Variants in CPT1A observed in about 807,000 individuals in gnomAD.
CPT1A encodes carnitine O-palmitoyltransferase 1, liver isoform.
In CPT1A, 64 loss-of-function variants were observed where a neutral mutation model predicts 100.8. That is an observed-to-expected ratio of 0.63 (90% CI 0.52 to 0.78). CPT1A has a LOEUF of 0.78. Among genes scored for constraint, CPT1A ranks in the 30% least tolerant of loss-of-function variants. CPT1A has a pLI of 0.00. For missense variants in CPT1A, 802 were observed against 1,034.1 expected (o/e 0.78, Z 3.08); for synonymous variants, 363 against 396.0 (o/e 0.92, Z 0.99).
At position 68,762,635 on chromosome 11, in the gene CPT1A, C is replaced by T; in HGVS notation, c.1867G>A (p.Ala623Thr). Residue 623 changes from alanine to threonine, a missense_variant, in exon 15 of 19, where the codon GCC becomes ACC. By Grantham distance (58) the Ala-to-Thr change is moderately conservative. Around this residue, in one of 4 missense-constraint regions of CPT1A, gnomAD observed 627 missense variants for 799.3 expected, o/e 0.78. Coordinates refer to ENST00000265641, the MANE Select transcript of CPT1A (RefSeq NM_001876.4). ...CDFVRAMVDPAQTVEQRLKLF... is the reference protein window; with the variant it reads ...CDFVRAMVDPTQTVEQRLKLF... ...GCCTGATGGCACATTACCGTCTGGG[C>T]CGGGTCCACCATGGCCCGCACGAAG... 1 of 1,613,632 alleles carries T rather than the reference C, an allele frequency of 6.2e-7. No individual in the cohort carries two copies. Among genetic ancestry groups the T allele is most frequent in the African/African-American group, 1.3e-5 (1 of 75,048 alleles).
intron 16 of CPT1A, among the ~76,000 whole-genome samples, chr11:68,760,855 T>C (rs901077882): frequency 1.4e-5 from 2 of 145,094 alleles, no homozygotes; most frequent in African/African-American, 5.1e-5. Flanking sequence ...TCTACTAAAA[T>C]ACAACAACAA....
chr11:68,786,493 C>T lies in CPT1A; in HGVS notation c.968-1483G>A, dbSNP rs147501777. On this transcript the variant is annotated intron_variant, in intron 9 of 18. Transcript: ENST00000265641. ...AAGGAAGTGATGTTTAAGAAGAACC[C>T]GGCCAGATGAAGAACAGAATTAATC... 5.8e-3 allele frequency among the ~76,000 whole-genome samples: 881 copies of T among 152,314 alleles called. 7 individuals are homozygous for T. Among genetic ancestry groups the T allele is most frequent in the African/African-American group, 0.02 (829 of 41,564 alleles).
intron 1 of CPT1A, among the ~76,000 whole-genome samples, chr11:68,839,947 A>G (rs1219206660): frequency 6.6e-6 from 1 of 152,212 alleles, no homozygotes; most frequent in South Asian, 2.1e-4. Flanking sequence ...TGGCCTGTGC[A>G]TGATGCCAAC....
chr11:68,823,985 G>A (rs1465361574), intron 1 of CPT1A, among the ~76,000 whole-genome samples: 5 of 151,904 alleles, frequency 3.3e-5, no homozygotes, highest in South Asian at 2.1e-4. Context: ...GGTGGCTCAC[G>A]CCTGTAATCC....
At chr11:68,828,466 C>A (rs1396125378) in intron 1 of CPT1A, among the ~76,000 whole-genome samples, 1 of 152,164 alleles carries the variant, frequency 6.6e-6, no homozygotes, top group Admixed American at 6.5e-5. Flanking sequence ...CCCTCCCCAG[C>A]ACCTTTCATC....
intron 3 of CPT1A, among the ~76,000 whole-genome samples, chr11:68,808,384 T>C (rs1350281894): frequency 1.3e-5 from 2 of 152,006 alleles, no homozygotes; most frequent in African/African-American, 4.8e-5. Context: ...TTTTTTTTTT[T>C]TTTCGAGACA....
intron 7 of CPT1A, 71 bp from the exon 8 acceptor site, chr11:68,794,982 C>T: frequency 8.9e-7 from 1 of 1,126,644 alleles, no homozygotes; most frequent in Non-Finnish European, 1.4e-6. Context: ...CACAGCACAT[C>T]CTGCACACTG....
intron 18 of CPT1A, among the ~76,000 whole-genome samples, chr11:68,759,120 G>A (rs980064787): frequency 2.0e-5 from 3 of 151,990 alleles, no homozygotes; most frequent in African/African-American, 4.8e-5. Context: ...TAGGCCAGGC[G>A]CGGTGGCTCA....
At chr11:68,778,177 G>A (rs1177442291) in intron 12 of CPT1A, among the ~76,000 whole-genome samples, 1 of 151,880 alleles carries the variant, frequency 6.6e-6, no homozygotes, top group Non-Finnish European at 1.5e-5. Context: ...CCAACCAGAA[G>A]TAAGACAATT....
intron 1 of CPT1A, among the ~76,000 whole-genome samples, chr11:68,837,152 C>T (rs907925244): frequency 3.3e-5 from 5 of 152,122 alleles, no homozygotes; most frequent in African/African-American, 9.7e-5. Flanking sequence ...TGGGTTCAAG[C>T]GATTCCCCTG....
At chr11:68,814,050 A>G (rs1319909175) in intron 2 of CPT1A, among the ~76,000 whole-genome samples, 2 of 152,080 alleles carry the variant, frequency 1.3e-5, no homozygotes, top group Non-Finnish European at 2.9e-5. Context: ...CGGGAAGTGC[A>G]CAAACTGAAC....
chr11:68,794,301 G>A (rs1855697465), intron 8 of CPT1A, among the ~76,000 whole-genome samples: 1 of 152,238 alleles, frequency 6.6e-6, no homozygotes, highest in Non-Finnish European at 1.5e-5. Flanking sequence ...ACAAAGGGCA[G>A]AGGGGTTTTC....
intron 3 of CPT1A, among the ~76,000 whole-genome samples, chr11:68,811,237 G>A (rs934644829): frequency 6.6e-6 from 1 of 152,118 alleles, no homozygotes; most frequent in Non-Finnish European, 1.5e-5. Flanking sequence ...ATTGACCTCA[G>A]GTGATCGACC....
intron 1 of CPT1A, among the ~76,000 whole-genome samples, chr11:68,828,549 ACCCTGC>A (rs1856798917): frequency 6.6e-6 from 1 of 152,102 alleles, no homozygotes; most frequent in Non-Finnish European, 1.5e-5. Context: ...TCTTGGGCAC[ACCCTGC>A]CAGACTGGGC....
At chr11:68,798,811 G>C (rs1855824016) in intron 6 of CPT1A, among the ~76,000 whole-genome samples, 1 of 152,228 alleles carries the variant, frequency 6.6e-6, no homozygotes, top group Admixed American at 6.5e-5. Context: ...GGGAGAGGGA[G>C]AAGCCTCCTG....
intron 5 of CPT1A, 133 bp downstream of exon 5, chr11:68,803,867 A>G (rs953587580): frequency 1.4e-6 from 1 of 697,120 alleles, no homozygotes; most frequent in East Asian, 2.7e-5. Context: ...AAGAGTTCCT[A>G]TGAGAACCCT....
rs568788653 is a variant in CPT1A, at chr11:68,835,328, C to T, written c.-14+6447G>A. Among the ~76,000 whole-genome samples the T allele has an allele frequency of 6.6e-5, 10 of 152,324 alleles. No homozygotes were observed. In the South Asian group the frequency reaches 8.3e-4, roughly 13 times the overall value. On this transcript the variant is annotated intron_variant, in intron 1 of 18. Transcript: ENST00000265641. ...CAAAGGACATCCTAAACCTCCTCTT[C>T]GTACCAGTATATTGTTCCCACAAAT... is the stretch of plus-strand genomic sequence containing the variant.
At chr11:68,781,641 C>T in intron 11 of CPT1A, 130 bp downstream of exon 11, 1 of 892,762 alleles carries the variant, frequency 1.1e-6, no homozygotes, top group Non-Finnish European at 1.9e-6. Flanking sequence ...TAAAATAAAA[C>T]TGAAGGTTAT....
At position 68,838,571 on chromosome 11, in the gene CPT1A, T is replaced by TAAAAA. The variant is rs1177976460; in HGVS notation, c.-14+3203_-14+3204insTTTTT. 2.6e-4 allele frequency among the ~76,000 whole-genome samples: 19 copies of TAAAAA among 74,234 alleles called. 4 individuals are homozygous for TAAAAA. The highest frequency in any genetic ancestry group is 9.3e-4 in the South Asian group (2 of 2,144). The allele number at this position is 74,234 out of a possible 152,430, so 48.7% of individuals were successfully genotyped here. ...GACTCTACTCTGTATCTGCACCTTTTTAAAAAAAAAAAAAAAAAAACAGAG... is the reference window on the plus strand; with the variant it reads ...GACTCTACTCTGTATCTGCACCTTTTAAAAATAAAAAAAAAAAAAAAAAAACAGAG... On this transcript the variant is annotated intron_variant, in intron 1 of 18. Coordinates refer to ENST00000265641, the MANE Select transcript of CPT1A (RefSeq NM_001876.4).
Sources: gnomAD v4.1 joint callset for allele counts (sites outside exome capture counted in the v4.1 genomes callset) on GRCh38, gnomAD v4.1.1 for gene constraint, gnomAD v4.1.1 regional missense constraint, MANE v1.5 for transcripts, NCBI Gene and HGNC (gene_info 2026-07-23, HGNC 2026-07-21) for gene names.